The following PEBP4 variants were observed in gnomAD, a reference collection of about 807,000 sequenced individuals.
The protein encoded by PEBP4 is phosphatidylethanolamine binding protein 4.
In PEBP4, 22 loss-of-function variants were observed where a neutral mutation model predicts 23.9. That is an observed-to-expected ratio of 0.92 (90% CI 0.66 to 1.31). The LOEUF is 1.31. PEBP4 is among the 40% of genes most tolerant of loss of function. The pLI is 0.00. For missense variants in PEBP4, 324 were observed against 281.7 expected (o/e 1.15, Z -1.07); for synonymous variants, 112 against 99.3 (o/e 1.13, Z -0.76).
intron 2 of PEBP4, among the ~76,000 whole-genome samples, chr8:22,920,999 G>A (rs775196414): frequency 6.6e-6 from 1 of 152,238 alleles, no homozygotes; most frequent in African/African-American, 2.4e-5. Flanking sequence ...AACAGCACCA[G>A]GGTTCTAAGA....
At chr8:22,826,176 A>C (rs1429838245) in intron 3 of PEBP4, among the ~76,000 whole-genome samples, 1 of 152,238 alleles carries the variant, frequency 6.6e-6, no homozygotes, top group Non-Finnish European at 1.5e-5. Flanking sequence ...AGTATATCTC[A>C]AGGTAAGTGT....
At chr8:22,909,177 G>A (rs1457380677) in intron 3 of PEBP4, among the ~76,000 whole-genome samples, 1 of 152,132 alleles carries the variant, frequency 6.6e-6, no homozygotes, top group Non-Finnish European at 1.5e-5. Context: ...CCTGGTGTCG[G>A]CTCTTCCCAT....
chr8:22,778,234 C>A (rs930999339), intron 4 of PEBP4, among the ~76,000 whole-genome samples: 1 of 152,066 alleles, frequency 6.6e-6, no homozygotes, highest in African/African-American at 2.4e-5. Flanking sequence ...ACAGGTAAAG[C>A]AGCAAATGAC....
chr8:22,775,479 A>AG lies in PEBP4; in HGVS notation c.357+42157dup, dbSNP rs975896085. Among the ~76,000 whole-genome samples, 18 of 150,518 alleles carry AG rather than the reference A, an allele frequency of 1.2e-4. No homozygotes were observed. Among genetic ancestry groups the AG allele is most frequent in the East Asian group, 3.9e-4 (2 of 5,094 alleles). ...GCCCGTGGGTGGTGTTCACGTATGG[A>AG]GGGGGGGGATTTCTTTTTAAGAGAC... is the stretch of plus-strand genomic sequence containing the variant. On this transcript the variant is annotated intron_variant, in intron 4 of 6. Coordinates refer to ENST00000256404, the MANE Select transcript of PEBP4 (RefSeq NM_144962.3). This position sits in a 1 kb window ranked among gnomAD's most constrained non-coding sequence, Gnocchi z 4.8.
At chr8:22,742,676 G>A (rs186178307) in intron 4 of PEBP4, among the ~76,000 whole-genome samples, 271 of 152,314 alleles carry the variant, frequency 1.8e-3, no homozygotes, top group Non-Finnish European at 3.1e-3. Context: ...TCAGTCACTC[G>A]CCAACTGTGG....
intron 4 of PEBP4, among the ~76,000 whole-genome samples, chr8:22,749,594 C>T (rs1805203436): frequency 6.6e-6 from 1 of 152,166 alleles, no homozygotes. Flanking sequence ...CCTTTCCTTC[C>T]CTTCCTGTGA....
rs1033570271 is a variant in PEBP4 at position 22,796,510 on chromosome 8, C to A, written c.357+21127G>T. Among the ~76,000 whole-genome samples the A allele has an allele frequency of 2.6e-5, 4 of 152,288 alleles. No individual in the cohort carries two copies. The East Asian group carries it at 5.8e-4, about 22-fold the overall frequency. The stretch of plus-strand genomic sequence containing the variant: ...AGCAGCTGGGAAGCCTTCCTCCGGG[C>A]AGCCCTCTGTGCTGGCTCTCAGGGA... On this transcript the variant is annotated intron_variant, in intron 4 of 6. Coordinates refer to ENST00000256404, the MANE Select transcript of PEBP4 (RefSeq NM_144962.3).
chr8:22,803,667 A>C (rs1806435749), intron 4 of PEBP4, among the ~76,000 whole-genome samples: 1 of 152,110 alleles, frequency 6.6e-6, no homozygotes, highest in African/African-American at 2.4e-5. Flanking sequence ...CCAACTAAAA[A>C]ATAATAATAA....
intron 4 of PEBP4, among the ~76,000 whole-genome samples, chr8:22,731,335 A>T (rs904275848): frequency 1.3e-5 from 2 of 152,204 alleles, no homozygotes; most frequent in African/African-American, 4.8e-5. Flanking sequence ...TGTGAAGATG[A>T]TGAGGATGGA....
rs1554492663 is a variant in PEBP4 at position 22,865,489 on chromosome 8, C to CG, written c.259-47755dup. Among the ~76,000 whole-genome samples the CG allele has an allele frequency of 3.3e-5, 5 of 152,094 alleles. No individual in the cohort carries two copies. The highest frequency in any genetic ancestry group is 3.3e-4 in the Admixed American group (5 of 15,286). ...GAGGTGGAGCGCGCCACCGCCCCCC[C>CG]GGCCGCGCAGCGAGAAGGAGCCTCG... On this transcript the variant is annotated intron_variant, in intron 3 of 6. Coordinates refer to ENST00000256404, the MANE Select transcript of PEBP4 (RefSeq NM_144962.3). This position sits in a 1 kb window ranked among gnomAD's most constrained non-coding sequence, Gnocchi z 6.9.
intron 3 of PEBP4, among the ~76,000 whole-genome samples, chr8:22,855,445 TC>T (rs1305027204): frequency 6.6e-6 from 1 of 152,134 alleles, no homozygotes; most frequent in Non-Finnish European, 1.5e-5. Context: ...TTAAAGTCCT[TC>T]CCCAGCCCTC....
intron 3 of PEBP4, among the ~76,000 whole-genome samples, chr8:22,856,605 TG>T (rs1389565610): frequency 6.6e-6 from 1 of 152,134 alleles, no homozygotes; most frequent in African/African-American, 2.4e-5. Flanking sequence ...TAATCTCAGC[TG>T]CTGGGGAGGA....
intron 1 of PEBP4, among the ~76,000 whole-genome samples, chr8:22,938,474 C>G (rs899454717): frequency 6.6e-6 from 1 of 152,090 alleles, no homozygotes; most frequent in African/African-American, 2.4e-5. Context: ...AGTACTTCCA[C>G]CAGGACAGTA....
At chr8:22,898,158 G>A (rs1315226336) in intron 3 of PEBP4, among the ~76,000 whole-genome samples, 1 of 151,742 alleles carries the variant, frequency 6.6e-6, no homozygotes, top group Admixed American at 6.6e-5. Context: ...TTGGGAAGCC[G>A]AGGCGGGTGG....
intron 3 of PEBP4, among the ~76,000 whole-genome samples, chr8:22,846,006 G>C (rs953136954): frequency 6.6e-6 from 1 of 152,232 alleles, no homozygotes; most frequent in Non-Finnish European, 1.5e-5. Flanking sequence ...GCAGAGACTG[G>C]GACAGCCGCT....
chr8:22,741,769 G>A (rs1387626965), intron 4 of PEBP4, among the ~76,000 whole-genome samples: 1 of 152,230 alleles, frequency 6.6e-6, no homozygotes, highest in Non-Finnish European at 1.5e-5. Flanking sequence ...GCAGGCAGGA[G>A]AGCGGGGTTG....
At chr8:22,770,155 G>A (rs1394864787) in intron 4 of PEBP4, among the ~76,000 whole-genome samples, 2 of 152,208 alleles carry the variant, frequency 1.3e-5, no homozygotes, top group Non-Finnish European at 2.9e-5. Flanking sequence ...GGTCTATGGC[G>A]GGCACCTTTG....
intron 3 of PEBP4, among the ~76,000 whole-genome samples, chr8:22,907,244 G>A (rs546423787): frequency 2.0e-5 from 3 of 152,296 alleles, no homozygotes; most frequent in Non-Finnish European, 2.9e-5. Flanking sequence ...AGATCACTCC[G>A]AGGCCAGGAG....
chr8:22,929,572 T>G (rs770367748), upstream of PEBP4, among the ~76,000 whole-genome samples: 1 of 152,210 alleles, frequency 6.6e-6, no homozygotes, highest in African/African-American at 2.4e-5. Context: ...TAGGCACTAT[T>G]ATCACCCCAT....
Sources: allele counts gnomAD v4.1 joint callset (sites outside exome capture counted in the v4.1 genomes callset), GRCh38; gene constraint gnomAD v4.1.1; non-coding constraint Gnocchi (gnomAD v3.1); transcripts MANE v1.5; gene names NCBI Gene and HGNC (gene_info 2026-07-23, HGNC 2026-07-21).